Variants in NPHP4 observed in about 807,000 individuals in gnomAD.
NPHP4 encodes the protein nephrocystin-4.
NPHP4 carries 151 observed loss-of-function variants against 155.8 expected under a neutral mutation model. The ratio of observed to expected loss-of-function variants is 0.97; its 90% CI spans 0.85 to 1.11. NPHP4 has a LOEUF of 1.11. Ranked by LOEUF, NPHP4 falls within the 50% of genes least tolerant of loss-of-function variation. The pLI, the probability that NPHP4 is intolerant of heterozygous loss-of-function variation, is 0.00. For synonymous variants in NPHP4, 845 were observed against 816.8 expected (o/e 1.03, Z -0.59); for missense variants, 1,956 against 1,925.7 (o/e 1.02, Z -0.29).
At chr1:5,887,502 C>T (rs745747382) in intron 17 of NPHP4, 36 bp from the exon 18 acceptor site, 10 of 1,603,968 alleles carry the variant, frequency 6.2e-6, no homozygotes, top group East Asian at 2.2e-5. Context: ...AGGCTGGAGC[C>T]GGCCCTGGGC....
At chr1:5,964,941 A>ATATATATATATTTTT in intron 5 of NPHP4, among the ~76,000 whole-genome samples, 4 of 59,428 alleles carry the variant, frequency 6.7e-5, no homozygotes, top group Middle Eastern at 0.012. Flanking sequence ...ATATATATAT[A>ATATATATATATTTTT]TTTTTTTTTT....
rs372485648 is a variant in NPHP4, at chr1:5,863,030, C to T, written c.*235G>A. 46 of 569,776 alleles carry T rather than the reference C, an allele frequency of 8.1e-5. No individual in the cohort carries two copies. The highest frequency in any genetic ancestry group is 6.5e-4 in the African/African-American group (35 of 53,612). 35.3% of individuals were successfully genotyped at this position (569,776 alleles called of 1,614,324 possible). A position where few individuals can be genotyped will look rare whatever the true frequency, so the allele number is the denominator to read the frequency against. On this transcript the variant is annotated 3_prime_UTR_variant, in exon 30 of 30. Transcript: ENST00000378156. ...AGCACCAGAGCCAGACCCACCACCA[C>T]GGAGTTCGCGCTCACGGAACCCAGG...
rs1433655987 is a variant in NPHP4 at position 5,909,225 on chromosome 1, C to T, written c.1442-12G>A. 4 of 1,597,704 alleles carry T rather than the reference C, an allele frequency of 2.5e-6. No homozygotes were observed. The highest frequency in any genetic ancestry group is 1.3e-5 in the African/African-American group (1 of 74,672). On this transcript the variant is annotated splice_polypyrimidine_tract_variant and intron_variant, in intron 11 of 29. Transcript: ENST00000378156. ...TGGCGCTGGCGGGCCTGGGAGGAAGCACAGTGGGGTAGGAGAGGGAATGTG... is the reference window on the plus strand; with the variant it reads ...TGGCGCTGGCGGGCCTGGGAGGAAGTACAGTGGGGTAGGAGAGGGAATGTG...
chr1:5,871,917 C>T (rs544185814), intron 23 of NPHP4, among the ~76,000 whole-genome samples: 23 of 152,380 alleles, frequency 1.5e-4, no homozygotes. Flanking sequence ...GAGATACACA[C>T]TGCAGTAATT....
chr1:5,868,926 AC>A (rs1436538877), intron 23 of NPHP4, among the ~76,000 whole-genome samples: 1 of 148,898 alleles, frequency 6.7e-6, no homozygotes, highest in Non-Finnish European at 1.5e-5. Context: ...ACATGTACAC[AC>A]ATGCATGCAC....
rs575438284 is a variant in NPHP4 at position 5,914,257 on chromosome 1, C to CAAAAAAAAAAAAAAAA, written c.1442-5060_1442-5045dup. Among the ~76,000 whole-genome samples the CAAAAAAAAAAAAAAAA allele has an allele frequency of 2.1e-4, 10 of 47,398 alleles. 2 individuals are homozygous for CAAAAAAAAAAAAAAAA. Among genetic ancestry groups the CAAAAAAAAAAAAAAAA allele is most frequent in the African/African-American group, 3.1e-4 (5 of 16,192 alleles). The allele number at this position is 47,398 out of a possible 152,430, so 31.1% of individuals were successfully genotyped here. A position where few individuals can be genotyped will look rare whatever the true frequency, so the allele number is the denominator to read the frequency against. ...GCAACATGGCAAAATCTTATCTATA[C>CAAAAAAAAAAAAAAAA]AAAAAAAAAAAAAAAAAAAAAAAAA... On this transcript the variant is annotated intron_variant, in intron 11 of 29. Coordinates refer to ENST00000378156, the MANE Select transcript of NPHP4 (RefSeq NM_015102.5).
chr1:5,874,506 G>A lies in NPHP4; in HGVS notation c.3196C>T (p.Gln1066Ter), dbSNP rs1384212298. The part of the protein sequence containing the change: ...HETAHVPFKF[Q>*]SFSAGQLAMV... ...GCCAGCTGCCCTGCAGAGAAGCTCT[G>A]GAACTTGAAGGGGACGTGGGCGGTC... is the stretch of plus-strand genomic sequence containing the variant. Residue 1066 changes from glutamine (Q) to a stop codon, truncating the protein, a stop_gained, in exon 22 of 30, where the codon CAG becomes TAG. Coordinates refer to ENST00000378156, the MANE Select transcript of NPHP4 (RefSeq NM_015102.5). LOFTEE classifies it high-confidence loss of function. 7.0e-6 allele frequency: 11 copies of A among 1,573,570 alleles called. No individual in the cohort carries two copies. Among genetic ancestry groups the A allele is most frequent in the Non-Finnish European group, 8.6e-6 (10 of 1,158,172 alleles).
chr1:5,936,651 C>G (rs757192635), intron 9 of NPHP4, among the ~76,000 whole-genome samples: 1 of 152,170 alleles, frequency 6.6e-6, no homozygotes, highest in Non-Finnish European at 1.5e-5. Flanking sequence ...GAGGAATACA[C>G]TTGGATTATG....
At chr1:5,895,310 T>A (rs776604881) in intron 16 of NPHP4, among the ~76,000 whole-genome samples, 4 of 144,362 alleles carry the variant, frequency 2.8e-5, no homozygotes, top group African/African-American at 5.3e-5. Flanking sequence ...TGGGCACGTG[T>A]ACCCTAGAAT....
In NPHP4 at chr1:5,877,149, A is replaced by G; in HGVS notation, c.2761T>C (p.Ser921Pro). 6.2e-7 allele frequency: 1 copy of G among 1,603,372 alleles called. No homozygotes were observed. The highest frequency in any genetic ancestry group is 8.5e-7 in the Non-Finnish European group (1 of 1,172,578). ...TRRRKLERMR[S>P]VRLQEAGGDL... Reference sequence around the variant, plus strand: ...CCCCCGGCCTCCTGCAGGCGCACAGACCTCATCCGCTCCAGCTTACGCCTG... The same window carrying G: ...CCCCCGGCCTCCTGCAGGCGCACAGGCCTCATCCGCTCCAGCTTACGCCTG... Residue 921 changes from serine (S) to proline (P), a missense_variant, in exon 20 of 30, where the codon TCT becomes CCT. By Grantham distance (74) the Ser-to-Pro change is moderately conservative. Transcript: ENST00000378156.
rs774354969 is a variant in NPHP4, at chr1:5,877,264, G to A, written c.2646C>T (p.Asp882=). The A allele has an allele frequency of 1.9e-5, 31 of 1,604,952 alleles. No homozygotes were observed. Among genetic ancestry groups the A allele is most frequent in the East Asian group, 4.5e-5 (2 of 44,570 alleles). Residue 882 remains aspartate (D), a synonymous_variant, in exon 20 of 30, where the codon GAC becomes GAT. Coordinates refer to ENST00000378156, the MANE Select transcript of NPHP4 (RefSeq NM_015102.5). ...KHVVQAQKLA[D]VDSELAAMLL... is the part of the protein sequence containing the mutation. The stretch of plus-strand genomic sequence containing the variant: ...GCATGGCAGCCAGCTCACTGTCCAC[G>A]TCCGCCAGCTTCTGTGCTTGCACCA...
chr1:5,890,355 G>A lies in NPHP4; in HGVS notation c.2304+513C>T, dbSNP rs544512740. The stretch of plus-strand genomic sequence containing the variant: ...GCTTGGGAAGAATTCCAGGGAAGAC[G>A]AGTGAAAGAATCCATGGATTTAGGT... On this transcript the variant is annotated intron_variant, in intron 17 of 29. Coordinates refer to ENST00000378156, the MANE Select transcript of NPHP4 (RefSeq NM_015102.5). This position sits in a 1 kb window ranked among gnomAD's most constrained non-coding sequence, Gnocchi z 4.9. 6.6e-6 allele frequency among the ~76,000 whole-genome samples: 1 copy of A among 152,258 alleles called. No homozygotes were observed. The highest frequency in any genetic ancestry group is 1.9e-4 in the East Asian group (1 of 5,182).
intron 9 of NPHP4, among the ~76,000 whole-genome samples, chr1:5,945,628 G>C (rs1232298161): frequency 1.3e-5 from 2 of 152,176 alleles, no homozygotes; most frequent in Non-Finnish European, 2.9e-5. Flanking sequence ...CACACCCTAA[G>C]ACCGTCCTCA....
At chr1:5,962,062 T>G in intron 5 of NPHP4, 113 bp from the exon 6 acceptor site, 1 of 732,432 alleles carries the variant, frequency 1.4e-6, no homozygotes, top group South Asian at 2.1e-5. Flanking sequence ...AAAAGGACTT[T>G]TCTAGGGAGA....
At chr1:5,958,531 C>G (rs892533420) in intron 6 of NPHP4, among the ~76,000 whole-genome samples, 5 of 152,046 alleles carry the variant, frequency 3.3e-5, no homozygotes, top group African/African-American at 1.2e-4. Context: ...CCCGTCTCAA[C>G]TGAAAATACA....
intron 23 of NPHP4, 72 bp downstream of exon 23, chr1:5,873,180 A>C: frequency 7.5e-7 from 1 of 1,324,586 alleles, no homozygotes; most frequent in Non-Finnish European, 1.1e-6. Context: ...AGGGGAGAGA[A>C]GGACACAAGG....
At chr1:5,978,721 G>A (rs148319415) in intron 2 of NPHP4, among the ~76,000 whole-genome samples, 1 of 152,266 alleles carries the variant, frequency 6.6e-6, no homozygotes, top group Non-Finnish European at 1.5e-5. Context: ...CCAGGATGAG[G>A]CCCAGGGCTC....
chr1:5,991,925 G>A (rs1434943820), intron 1 of NPHP4, among the ~76,000 whole-genome samples: 2 of 53,208 alleles, frequency 3.8e-5, no homozygotes, highest in Non-Finnish European at 7.1e-5. Flanking sequence ...GAGAGGCCAG[G>A]GGGCAGGGGG....
chr1:5,865,552 A>G (rs1641131522), intron 26 of NPHP4: 1 of 377,196 alleles, frequency 2.7e-6, no homozygotes, highest in African/African-American at 2.0e-5. Flanking sequence ...CTTAGGAACC[A>G]CATGTCAAAC....
Sources: gnomAD v4.1 joint callset for allele counts (sites outside exome capture counted in the v4.1 genomes callset) on GRCh38, gnomAD v4.1.1 for gene constraint, Gnocchi (gnomAD v3.1) non-coding constraint, MANE v1.5 for transcripts, NCBI Gene and HGNC (gene_info 2026-07-23, HGNC 2026-07-21) for gene names.